The following TMCC3 variants were observed in gnomAD, a reference collection of about 807,000 sequenced individuals.
TMCC3 encodes the protein transmembrane and coiled-coil domain protein 3.
In TMCC3, 28 loss-of-function variants were observed where a neutral mutation model predicts 40.2. The ratio of observed to expected loss-of-function variants is 0.70; its 90% confidence interval spans 0.52 to 0.95. The LOEUF is 0.95. Ranked by LOEUF, TMCC3 falls within the 40% of genes least tolerant of loss-of-function variation. The pLI, the probability that TMCC3 is intolerant of heterozygous loss-of-function variation, is 0.00. For missense variants in TMCC3, 554 were observed against 615.2 expected, an observed-to-expected ratio of 0.90 and a Z score of 1.05; for synonymous variants, 255 against 248.5, an observed-to-expected ratio of 1.03 and a Z score of -0.25.
intron 1 of TMCC3, among the ~76,000 whole-genome samples, chr12:94,620,129 C>T (rs898076262): frequency 2.6e-5 from 4 of 151,816 alleles, no homozygotes; most frequent in African/African-American, 9.7e-5. Flanking sequence ...TGCCATTGCA[C>T]TCCAGCCTGG....
intron 1 of TMCC3, among the ~76,000 whole-genome samples, chr12:94,609,225 T>C (rs994204432): frequency 2.0e-5 from 3 of 151,766 alleles, no homozygotes; most frequent in African/African-American, 7.3e-5. Flanking sequence ...GAGACTGTTG[T>C]CTCCAAAATT....
intron 1 of TMCC3, among the ~76,000 whole-genome samples, chr12:94,649,304 C>T (rs2069038923): frequency 6.6e-6 from 1 of 152,206 alleles, no homozygotes; most frequent in Non-Finnish European, 1.5e-5. Flanking sequence ...GACACAACCC[C>T]GTCACTATTG....
chr12:94,615,388 C>T (rs934185672), intron 1 of TMCC3, among the ~76,000 whole-genome samples: 3 of 152,156 alleles, frequency 2.0e-5, no homozygotes, highest in Non-Finnish European at 2.9e-5. Flanking sequence ...TCCCACAGCT[C>T]GAGGCAGCCA....
chr12:94,633,860 G>A (rs902062547), intron 1 of TMCC3, among the ~76,000 whole-genome samples: 3 of 151,994 alleles, frequency 2.0e-5, no homozygotes, highest in Non-Finnish European at 2.9e-5. Flanking sequence ...AATATCCAAA[G>A]TATCAGGAAA....
chr12:94,591,730 G>C (rs1448553021), intron 1 of TMCC3, among the ~76,000 whole-genome samples: 1 of 152,048 alleles, frequency 6.6e-6, no homozygotes, highest in African/African-American at 2.4e-5. Context: ...CTCCAGCCTG[G>C]CAGCCTGGGC....
chr12:94,605,806 A>G (rs539373440), intron 1 of TMCC3, among the ~76,000 whole-genome samples: 1 of 150,926 alleles, frequency 6.6e-6, no homozygotes, highest in African/African-American at 2.5e-5. Flanking sequence ...TCTGTCTTTT[A>G]TTTATGGACT....
At chr12:94,606,854 G>A (rs1350350737) in intron 1 of TMCC3, among the ~76,000 whole-genome samples, 2 of 152,108 alleles carry the variant, frequency 1.3e-5, no homozygotes, top group Admixed American at 6.6e-5. Context: ...ACTGATGAGG[G>A]TCTATGTCCT....
intron 1 of TMCC3, among the ~76,000 whole-genome samples, chr12:94,627,351 T>G (rs7308809): frequency 2.6e-3 from 391 of 152,334 alleles, no homozygotes; most frequent in African/African-American, 8.7e-3. Context: ...TTAGAAGACC[T>G]GACCGCTTCT....
At chr12:94,600,373 G>C (rs1478534282) in intron 1 of TMCC3, among the ~76,000 whole-genome samples, 1 of 150,246 alleles carries the variant, frequency 6.7e-6, no homozygotes. Flanking sequence ...CAGTTTAACT[G>C]GGTTTCCTTG....
intron 1 of TMCC3, among the ~76,000 whole-genome samples, chr12:94,600,561 A>G (rs1349168613): frequency 6.6e-6 from 1 of 151,946 alleles, no homozygotes; most frequent in Non-Finnish European, 1.5e-5. Context: ...TTCCTATTCA[A>G]CTTCCAATGT....
intron 3 of TMCC3, among the ~76,000 whole-genome samples, chr12:94,577,175 TATTA>T (rs1036912547): frequency 6.6e-6 from 1 of 152,110 alleles, no homozygotes; most frequent in Admixed American, 6.6e-5. Flanking sequence ...CGAATGCTAT[TATTA>T]ATTAATTAAT....
At chr12:94,642,897 T>C (rs773804935) in intron 1 of TMCC3, among the ~76,000 whole-genome samples, 1 of 152,150 alleles carries the variant, frequency 6.6e-6, no homozygotes, top group Non-Finnish European at 1.5e-5. Context: ...GGGTACACTA[T>C]AGAAAGTCAA....
At chr12:94,641,873 C>T (rs1483981452) in intron 1 of TMCC3, among the ~76,000 whole-genome samples, 1 of 151,772 alleles carries the variant, frequency 6.6e-6, no homozygotes. Flanking sequence ...TTTTGCAAAA[C>T]TTTATACTGA....
chr12:94,617,873 C>T (rs1300108429), intron 1 of TMCC3, among the ~76,000 whole-genome samples: 1 of 152,198 alleles, frequency 6.6e-6, no homozygotes, highest in Non-Finnish European at 1.5e-5. Context: ...GAAAACTCTA[C>T]TGTAATATTT....
chr12:94,615,823 C>T (rs1566329340), intron 1 of TMCC3: 1 of 642,898 alleles, frequency 1.6e-6, no homozygotes, highest in Non-Finnish European at 1.9e-6. Context: ...AGACAAATTG[C>T]ATTTCTTTCT....
intron 1 of TMCC3, among the ~76,000 whole-genome samples, chr12:94,595,821 C>T (rs569033210): frequency 1.9e-4 from 29 of 151,886 alleles, no homozygotes; most frequent in Non-Finnish European, 3.7e-4. Flanking sequence ...AACTAAAAAG[C>T]TGCCTTTAGT....
intron 2 of TMCC3, among the ~76,000 whole-genome samples, chr12:94,578,831 C>T (rs1033998504): frequency 6.6e-6 from 1 of 152,168 alleles, no homozygotes; most frequent in Non-Finnish European, 1.5e-5. Flanking sequence ...AGCTGATGCA[C>T]TTGCCAGGGC....
In TMCC3 at chr12:94,571,498, A is replaced by G; in HGVS notation, c.1371T>C (p.Ala457=). Residue 457 remains alanine, a synonymous_variant, in exon 4 of 4, where the codon GCT becomes GCC. Coordinates refer to ENST00000261226, the MANE Select transcript of TMCC3 (RefSeq NM_020698.4). ...LGTFFAVTLL[A]IFCKNWDHIL... ...TATGGTCCCAGTTTTTACAAAATAT[A>G]GCAAGAAGAGTCACGGCAAAGAAGG... The G allele has an allele frequency of 6.2e-7, 1 of 1,614,112 alleles. No individual in the cohort carries two copies. The highest frequency in any genetic ancestry group is 1.1e-5 in the South Asian group (1 of 91,082).
At chr12:94,572,736 G>C (rs76128843) in intron 3 of TMCC3, among the ~76,000 whole-genome samples, 1,537 of 152,318 alleles carry the variant, frequency 0.01, 36 homozygotes, top group African/African-American at 0.035. Context: ...CAAGGAGTGT[G>C]TGGGATCTCC....
Sources: gnomAD v4.1 joint callset for allele counts (sites outside exome capture counted in the v4.1 genomes callset) on GRCh38, gnomAD v4.1.1 for gene constraint, MANE v1.5 for transcripts, NCBI Gene and HGNC (gene_info 2026-07-23, HGNC 2026-07-21) for gene names.